XPO1: variants seen among roughly 807,000 people sequenced by gnomAD.
XPO1 encodes exportin 1.
XPO1 carries 5 observed loss-of-function variants against 133.3 expected under a neutral mutation model. The observed-to-expected ratio is 0.04, with a 90% confidence interval of 0.02 to 0.08. The LOEUF is 0.08. Among genes scored for constraint, XPO1 ranks in the 10% least tolerant of loss-of-function variants. The pLI is 1.00. For missense variants in XPO1, 506 were observed against 1,267.5 expected (o/e 0.40, Z 9.12); for synonymous variants, 419 against 408.2 (o/e 1.03, Z -0.32).
rs372833915 is a variant in XPO1, at chr2:61,497,502, C to T, written c.760-495G>A. On this transcript the variant is annotated intron_variant, in intron 9 of 24. Coordinates refer to ENST00000401558, the MANE Select transcript of XPO1 (RefSeq NM_003400.4). Reference sequence around the variant, plus strand: ...CTGGGATTACAGGCGTGAGCCACAGCGCCCGGCCTAAACTGCTTTCTTTTG... The same window carrying T: ...CTGGGATTACAGGCGTGAGCCACAGTGCCCGGCCTAAACTGCTTTCTTTTG... 2.9e-4 allele frequency among the ~76,000 whole-genome samples: 44 copies of T among 152,304 alleles called. No homozygotes were observed. In the South Asian group the frequency reaches 8.3e-3, roughly 29 times the overall value.
intron 4 of XPO1, among the ~76,000 whole-genome samples, chr2:61,517,988 G>A (rs1698478570): frequency 6.6e-6 from 1 of 152,070 alleles, no homozygotes; most frequent in South Asian, 2.1e-4. Context: ...AAATTAGCCA[G>A]GCATGGTGGT....
At chr2:61,495,734 T>C in intron 10 of XPO1, 121 bp from the exon 11 acceptor site, 1 of 1,009,642 alleles carries the variant, frequency 9.9e-7, no homozygotes, top group Non-Finnish European at 1.3e-6. Flanking sequence ...TGCAGTGGTA[T>C]GACCAAAGCT....
chr2:61,484,147 T>C, intron 20 of XPO1, 42 bp from the exon 21 acceptor site: 3 of 1,549,460 alleles, frequency 1.9e-6, no homozygotes, highest in Non-Finnish European at 2.7e-6. Context: ...TTCAGTGTCT[T>C]TGTTGTGCTA....
intron 1 of XPO1, among the ~76,000 whole-genome samples, chr2:61,536,027 T>C (rs1699342162): frequency 6.6e-6 from 1 of 152,196 alleles, no homozygotes; most frequent in Non-Finnish European, 1.5e-5. Flanking sequence ...CATAGTTGAA[T>C]GCTAAAACAA....
At chr2:61,491,289 C>T (rs570283475) in intron 16 of XPO1, among the ~76,000 whole-genome samples, 3 of 151,624 alleles carry the variant, frequency 2.0e-5, no homozygotes, top group Non-Finnish European at 4.4e-5. Context: ...GGAGAAACCC[C>T]GTCTCTACTA....
chr2:61,483,608 C>CT (rs1426317978), intron 21 of XPO1: 2 of 192,038 alleles, frequency 1.0e-5, no homozygotes, highest in African/African-American at 4.7e-5. Context: ...AAATTACAAT[C>CT]TAAGTTATGA....
At chr2:61,524,496 A>C (rs566815677) in intron 3 of XPO1, among the ~76,000 whole-genome samples, 1 of 152,328 alleles carries the variant, frequency 6.6e-6, no homozygotes, top group South Asian at 2.1e-4. Flanking sequence ...TGAAGCAGGG[A>C]GCCCAATAAA....
At chr2:61,518,998 T>C (rs1698549801) in intron 4 of XPO1, among the ~76,000 whole-genome samples, 1 of 152,202 alleles carries the variant, frequency 6.6e-6, no homozygotes, top group Admixed American at 6.5e-5. Flanking sequence ...CTCGCTCTGT[T>C]GGAGTGCAAT....
Position 61,503,704 on chromosome 2 carries a change from G to GT in XPO1, c.302-1395dup, listed in dbSNP as rs1448978057. Among the ~76,000 whole-genome samples, 5 of 152,156 alleles carry GT rather than the reference G, an allele frequency of 3.3e-5. No homozygotes were observed. In the East Asian group the frequency reaches 5.8e-4, roughly 18 times the overall value. ...CTCCCAAAGTGCTGGGATTACAGGCGTGAGCCACTGCGCCCAGCACACCCA... is the reference window on the plus strand; with the variant it reads ...CTCCCAAAGTGCTGGGATTACAGGCGTTGAGCCACTGCGCCCAGCACACCCA... On this transcript the variant is annotated intron_variant, in intron 4 of 24. Coordinates refer to ENST00000401558, the MANE Select transcript of XPO1 (RefSeq NM_003400.4).
intron 6 of XPO1, among the ~76,000 whole-genome samples, chr2:61,501,729 A>AG (rs1697533300): frequency 7.3e-6 from 1 of 136,802 alleles, no homozygotes; most frequent in Admixed American, 7.5e-5. Flanking sequence ...TCCAAAAAAA[A>AG]AAAAAAAAGA....
chr2:61,534,639 A>G (rs9989775), intron 1 of XPO1: 95,722 of 152,038 alleles, frequency 0.63, 30,320 homozygotes, highest in Middle Eastern at 0.71. Flanking sequence ...GCCGAGATGC[A>G]CCACCACACT....
intron 2 of XPO1, among the ~76,000 whole-genome samples, chr2:61,529,671 A>C (rs1341726901): frequency 6.6e-6 from 1 of 152,124 alleles, no homozygotes; most frequent in Admixed American, 6.6e-5. Context: ...CATTACAAAA[A>C]AAAAAAAAAA....
intron 19 of XPO1, 60 bp downstream of exon 19, chr2:61,488,105 C>G (rs530508858): frequency 1.4e-6 from 2 of 1,422,472 alleles, no homozygotes; most frequent in Non-Finnish European, 2.0e-6. Context: ...TAGAGTATAG[C>G]ATATTCCATA....
intron 4 of XPO1, among the ~76,000 whole-genome samples, chr2:61,516,326 A>C (rs1016435429): frequency 4.0e-5 from 6 of 151,804 alleles, no homozygotes; most frequent in South Asian, 4.2e-4. Flanking sequence ...AACCAAACAA[A>C]AAAAAAAAAT....
In XPO1 at chr2:61,500,916, T is replaced by C. The variant is rs531261109; in HGVS notation, c.409-1022A>G. On this transcript the variant is annotated intron_variant, in intron 6 of 24. Transcript: ENST00000401558. ...ATGCAATTTGAGCCTTGAAATGTAG[T>C]AGGGTTTGGATATATGAATTTAAAA... Among the ~76,000 whole-genome samples, 3 of 152,312 alleles carry C rather than the reference T, an allele frequency of 2.0e-5. No individual in the cohort carries two copies. In the South Asian group the frequency reaches 6.2e-4, roughly 32 times the overall value.
Position 61,493,933 on chromosome 2 carries a change from A to C in XPO1, c.1206T>G (p.Val402=), listed in dbSNP as rs768116619. The C allele has an allele frequency of 6.2e-7, 1 of 1,614,114 alleles. No homozygotes were observed. The highest frequency in any genetic ancestry group is 1.7e-5 in the Admixed American group (1 of 59,996). The change falls in exon 12 of 25, where the codon GTT becomes GTG. Residue 402 remains valine (V), a synonymous_variant. Transcript: ENST00000401558. ...GCAAATATAGCTGTCTCCTGGGAGG[A>C]ACATCAAAATGTTGACTTCCAGAAA... ...PLLSGSQHFD[V]PPRRQLYLPM... is the part of the protein sequence containing the mutation.
Position 61,496,992 on chromosome 2 carries a change from T to A in XPO1, c.775A>T (p.Met259Leu), listed in dbSNP as rs746291979. 6.2e-7 allele frequency: 1 copy of A among 1,612,922 alleles called. No homozygotes were observed. Among genetic ancestry groups the A allele is most frequent in the Non-Finnish European group, 8.5e-7 (1 of 1,179,680 alleles). Residue 259 changes from methionine (M) to leucine (L), a missense_variant, in exon 10 of 25, where the codon ATG (methionine) becomes TTG (leucine). Physicochemically the swap from Met to Leu is conservative, Grantham distance 15. Transcript: ENST00000401558. Reference sequence around the variant, plus strand: ...CACTTCAGAGAGACATTTCGAAACATTGGAACATTCAGGAACTATTTAAAA... The same window carrying A: ...CACTTCAGAGAGACATTTCGAAACAATGGAACATTCAGGAACTATTTAAAA... The part of the protein sequence containing the change: ...TLIYKFLNVP[M>L]FRNVSLKCLT...
chr2:61,482,316 A>G (rs1696426458), intron 23 of XPO1, 64 bp downstream of exon 23: 1 of 1,456,264 alleles, frequency 6.9e-7, no homozygotes, highest in Non-Finnish European at 9.2e-7. Flanking sequence ...AAGTGCTGGG[A>G]TTACAGGTGT....
chr2:61,527,870 A>G (rs757918465), intron 2 of XPO1, among the ~76,000 whole-genome samples: 4 of 151,730 alleles, frequency 2.6e-5, no homozygotes, highest in African/African-American at 4.8e-5. Flanking sequence ...ACTAAAGTTT[A>G]TGGAAGTCAT....
Sources: gnomAD v4.1 joint callset for allele counts (sites outside exome capture counted in the v4.1 genomes callset) on GRCh38, gnomAD v4.1.1 for gene constraint, MANE v1.5 for transcripts, NCBI Gene and HGNC (gene_info 2026-07-23, HGNC 2026-07-21) for gene names.